OR51B5: variants seen among roughly 807,000 people sequenced by gnomAD.
OR51B5 encodes olfactory receptor family 51 subfamily B member 5.
For missense variants in OR51B5, 456 were observed against 374.6 expected (o/e 1.22, Z -1.79); for synonymous variants, 186 against 144.8 (o/e 1.28, Z -2.04).
At chr11:5,494,923 T>C (rs1851627123) in intron 1 of OR51B5, among the ~76,000 whole-genome samples, 1 of 152,112 alleles carries the variant, frequency 6.6e-6, no homozygotes, top group African/African-American at 2.4e-5. Flanking sequence ...TCAGGGACAT[T>C]TTTAACAGCA....
chr11:5,430,500 A>G (rs1850517291), intron 1 of OR51B5, among the ~76,000 whole-genome samples: 1 of 152,240 alleles, frequency 6.6e-6, no homozygotes, highest in South Asian at 2.1e-4. Context: ...AGGGTTAGGA[A>G]TAACTCTTGC....
chr11:5,463,737 T>C (rs1851092599), intron 1 of OR51B5, among the ~76,000 whole-genome samples: 2 of 152,240 alleles, frequency 1.3e-5, no homozygotes, highest in Non-Finnish European at 2.9e-5. Context: ...AGTGTTACAT[T>C]TGAAGGACTC....
At chr11:5,464,232 C>A (rs1186393059) in intron 1 of OR51B5, among the ~76,000 whole-genome samples, 1 of 152,130 alleles carries the variant, frequency 6.6e-6, no homozygotes, top group Admixed American at 6.5e-5. Context: ...ATATTGTGAA[C>A]ACAAAATGCA....
intron 1 of OR51B5, chr11:5,351,686 TCTTAG>T (rs1849090300): frequency 1.2e-6 from 2 of 1,614,114 alleles, no homozygotes; most frequent in Non-Finnish European, 8.5e-7. Context: ...ATGTACTATT[TCTTAG>T]CTATGTTGGC....
intron 1 of OR51B5, among the ~76,000 whole-genome samples, chr11:5,377,929 A>T (rs1849552517): frequency 6.6e-6 from 1 of 152,200 alleles, no homozygotes; most frequent in Non-Finnish European, 1.5e-5. Flanking sequence ...TCAAGCTACC[A>T]ATGATTTTCT....
At chr11:5,473,779 T>G (rs921236947) in intron 1 of OR51B5, among the ~76,000 whole-genome samples, 1 of 152,108 alleles carries the variant, frequency 6.6e-6, no homozygotes, top group Non-Finnish European at 1.5e-5. Flanking sequence ...CATGAAAAAC[T>G]AGAACTTCAT....
chr11:5,477,206 G>A (rs560873132), intron 1 of OR51B5, among the ~76,000 whole-genome samples: 3 of 152,208 alleles, frequency 2.0e-5, no homozygotes, highest in African/African-American at 7.2e-5. Context: ...GGGGAGATGA[G>A]TCTCTTGGGG....
chr11:5,361,563 G>C (rs144280863), intron 1 of OR51B5, among the ~76,000 whole-genome samples: 1 of 152,126 alleles, frequency 6.6e-6, no homozygotes. Flanking sequence ...AGCAGTAGAC[G>C]GTTGGCTTAT....
chr11:5,493,552 T>A (rs917912503), intron 1 of OR51B5, among the ~76,000 whole-genome samples: 1 of 152,068 alleles, frequency 6.6e-6, no homozygotes, highest in African/African-American at 2.4e-5. Flanking sequence ...ACTTAACAAC[T>A]ATTAGATTTA....
At chr11:5,452,456 G>A (rs1850868183) in intron 1 of OR51B5, among the ~76,000 whole-genome samples, 1 of 137,046 alleles carries the variant, frequency 7.3e-6, no homozygotes, top group South Asian at 2.5e-4. Flanking sequence ...AGTGAGCCGA[G>A]ATTGCACCAC....
chr11:5,401,880 T>TTCTC (rs148071208), intron 1 of OR51B5, among the ~76,000 whole-genome samples: 115,526 of 146,256 alleles, frequency 0.79, 45,928 homozygotes, highest in Middle Eastern at 0.88. Context: ...TTCCTTCCTT[T>TTCTC]TCTCTCTCTT....
At chr11:5,352,759 C>A (rs781406263) in intron 1 of OR51B5, among the ~76,000 whole-genome samples, 156 of 145,498 alleles carry the variant, frequency 1.1e-3, no homozygotes, top group Non-Finnish European at 1.5e-3. Context: ...TACATACTTA[C>A]ACACATACAT....
Position 5,460,349 on chromosome 11 carries a change from T to C in OR51B5, n.84+45220A>G, listed in dbSNP as rs1215076653. ...GTAGAATAAATTCCCATGACTCAAG[T>C]TTACCTATATAACAAACCTGCACAT... is the stretch of plus-strand genomic sequence containing the variant. On this transcript the variant is annotated intron_variant and non_coding_transcript_variant, in intron 1 of 4. Coordinates refer to the OR51B5 transcript ENST00000415970. Among the ~76,000 whole-genome samples, 4 of 152,188 alleles carry C rather than the reference T, an allele frequency of 2.6e-5. No homozygotes were observed. The East Asian group carries it at 7.7e-4, about 29-fold the overall frequency.
intron 1 of OR51B5, among the ~76,000 whole-genome samples, chr11:5,382,880 GCC>G (rs1849631043): frequency 2.6e-5 from 4 of 152,054 alleles, no homozygotes. Flanking sequence ...AGATCTGTAT[GCC>G]CCGTTTTGGA....
Position 5,406,978 on chromosome 11 carries a change from A to G in OR51B5, n.85-60068T>C, listed in dbSNP as rs1850066828. ...ATTTGTACTACACCTTTTCTAGTAAATAACACAACTAGCCCAAAACCACAA... is the reference window on the plus strand; with the variant it reads ...ATTTGTACTACACCTTTTCTAGTAAGTAACACAACTAGCCCAAAACCACAA... On this transcript the variant is annotated intron_variant and non_coding_transcript_variant, in intron 1 of 4. Coordinates refer to the OR51B5 transcript ENST00000415970. 4.6e-5 allele frequency among the ~76,000 whole-genome samples: 7 copies of G among 152,282 alleles called. No individual in the cohort carries two copies. The South Asian group carries it at 1.5e-3, about 32-fold the overall frequency.
chr11:5,489,623 G>T (rs750493326), intron 1 of OR51B5: 5 of 1,613,570 alleles, frequency 3.1e-6, no homozygotes, highest in Admixed American at 1.7e-5. Context: ...ATTCGGAGTC[G>T]ACTTCTAAAA....
chr11:5,363,354 T>TG (rs1388614370), intron 1 of OR51B5, among the ~76,000 whole-genome samples: 12 of 1,650 alleles, frequency 7.3e-3, no homozygotes, highest in Middle Eastern at 0.5. Context: ...TTTTTTTTGG[T>TG]TTTTGTTTTT....
chr11:5,399,045 G>C (rs146971781), intron 1 of OR51B5, among the ~76,000 whole-genome samples: 2 of 152,184 alleles, frequency 1.3e-5, no homozygotes, highest in Non-Finnish European at 2.9e-5. Flanking sequence ...CACCTCCCTA[G>C]CTTCTTGAAC....
intron 1 of OR51B5, among the ~76,000 whole-genome samples, chr11:5,502,943 T>C (rs902947484): frequency 6.6e-6 from 1 of 152,174 alleles, no homozygotes; most frequent in African/African-American, 2.4e-5. Context: ...ATTTCTTACA[T>C]ACAATATGTG....
Sources: gnomAD v4.1 joint callset for allele counts (sites outside exome capture counted in the v4.1 genomes callset) on GRCh38, gnomAD v4.1.1 for gene constraint, MANE v1.5 for transcripts, NCBI Gene and HGNC (gene_info 2026-07-23, HGNC 2026-07-21) for gene names.